STAT2: variants seen among roughly 807,000 people sequenced by gnomAD.
STAT2 encodes interferon alpha induced transcriptional activator.
A neutral mutation model predicts 122.3 loss-of-function variants in STAT2; 51 were observed. The observed-to-expected ratio is 0.42, with a 90% CI of 0.33 to 0.53. The LOEUF is 0.53. Among genes scored for constraint, STAT2 ranks in the 20% least tolerant of loss-of-function variants. STAT2 has a pLI of 0.10. For missense variants in STAT2, 736 were observed against 1,010.3 expected (o/e 0.73, Z 3.68); for synonymous variants, 351 against 394.9 (o/e 0.89, Z 1.32).
chr12:56,350,181 C>A lies in STAT2; in HGVS notation c.1125G>T (p.Lys375Asn). The A allele has an allele frequency of 6.2e-7, 1 of 1,611,334 alleles. No individual in the cohort carries two copies. Among genetic ancestry groups the A allele is most frequent in the Non-Finnish European group, 8.5e-7 (1 of 1,179,256 alleles). The change falls in exon 13 of 24, where the codon AAG becomes AAT. Residue 375 changes from lysine (K) to asparagine (N), a missense_variant. By Grantham distance (94) the Lys-to-Asn change is moderately conservative. Transcript: ENST00000314128. ...TCTGGTTTGAAGTCAGAATGTTGAACTTCCGGAAGCTGTTCCAGGAGGAAG... is the reference window on the plus strand; with the variant it reads ...TCTGGTTTGAAGTCAGAATGTTGAAATTCCGGAAGCTGTTCCAGGAGGAAG... ...RNPPQLQGFRKFNILTSNQKT... is the reference protein window; with the variant it reads ...RNPPQLQGFRNFNILTSNQKT...
Position 56,349,495 on chromosome 12 carries a change from C to G in STAT2, c.1272G>C (p.Val424=). 6.2e-7 allele frequency: 1 copy of G among 1,614,222 alleles called. No individual in the cohort carries two copies. Among genetic ancestry groups the G allele is most frequent in the Non-Finnish European group, 8.5e-7 (1 of 1,180,040 alleles). The change falls in exon 15 of 24, where the codon GTG becomes GTC. Residue 424 remains valine (V), a synonymous_variant. Coordinates refer to ENST00000314128, the MANE Select transcript of STAT2 (RefSeq NM_005419.4). ...AGCTGATGATGTGCAGTTCCTCTGT[C>G]ACACCTAGTGGCCCCTGGGACAGCC... is the stretch of plus-strand genomic sequence containing the variant. The part of the protein sequence containing the change: ...GKGSNKGPLG[V]TEELHIISFT...
At chr12:56,346,771 C>A in intron 20 of STAT2, 48 bp downstream of exon 20, 2 of 1,610,180 alleles carry the variant, frequency 1.2e-6, no homozygotes, top group Non-Finnish European at 1.7e-6. Context: ...AAGAGGGGAG[C>A]CAGGCAGAAA....
intron 8 of STAT2, 58 bp from the exon 9 acceptor site, chr12:56,351,508 G>C: frequency 6.4e-7 from 1 of 1,567,240 alleles, no homozygotes. Context: ...CCCCCATCCA[G>C]GTTCCAAGAT....
chr12:56,347,689 A>G (rs1174959649), intron 19 of STAT2, among the ~76,000 whole-genome samples: 1 of 151,902 alleles, frequency 6.6e-6, no homozygotes, highest in Non-Finnish European at 1.5e-5. Flanking sequence ...TTTAATAGAG[A>G]TGGGGTTTCG....
In STAT2 at chr12:56,351,360, G is replaced by A. The variant is rs1487740663; in HGVS notation, c.873C>T (p.Asp291=). ...GTAGGTCCACCCCTTTGGTCAGAGG[G>A]TCATCCTGATAGCTAACCAGGCAAC... ...GLSCLVSYQD[D]PLTKGVDLRN... Residue 291 remains aspartate, a synonymous_variant, in exon 9 of 24, where the codon GAC becomes GAT. Coordinates refer to ENST00000314128, the MANE Select transcript of STAT2 (RefSeq NM_005419.4). The A allele has an allele frequency of 6.2e-7, 1 of 1,614,144 alleles. No individual in the cohort carries two copies. Among genetic ancestry groups the A allele is most frequent in the Non-Finnish European group, 8.5e-7 (1 of 1,180,040 alleles).
In STAT2 at chr12:56,344,146, A is replaced by G; in HGVS notation, c.2103-11T>C. 6.5e-7 allele frequency: 1 copy of G among 1,545,792 alleles called. No homozygotes were observed. Among genetic ancestry groups the G allele is most frequent in the Non-Finnish European group, 8.8e-7 (1 of 1,141,700 alleles). The stretch of plus-strand genomic sequence containing the variant: ...AGTTCATCCACCTGTCTGGATACCC[A>G]AAGACAGACAAAGGGGCAGGGCTCA... On this transcript the variant is annotated splice_polypyrimidine_tract_variant and intron_variant, in intron 22 of 23. Transcript: ENST00000314128.
intron 6 of STAT2, 132 bp downstream of exon 6, chr12:56,355,144 G>A (rs749415536): frequency 9.0e-5 from 97 of 1,072,016 alleles, no homozygotes; most frequent in Non-Finnish European, 1.3e-4. Context: ...AGCTTTGCAC[G>A]GCAGCAGGAC....
At chr12:56,345,514 A>ATATATATATATAT (rs1278781589) in intron 22 of STAT2, among the ~76,000 whole-genome samples, 3 of 27,180 alleles carry the variant, frequency 1.1e-4, no homozygotes, top group Admixed American at 3.5e-4. Flanking sequence ...AAAAAAAAAA[A>ATATATATATATAT]AAAAAAAAAA....
Position 56,343,968 on chromosome 12 carries a change from G to A in STAT2, c.2270C>T (p.Ser757Phe). 1 of 1,614,160 alleles carries A rather than the reference G, an allele frequency of 6.2e-7. No homozygotes were observed. The highest frequency in any genetic ancestry group is 8.5e-7 in the Non-Finnish European group (1 of 1,180,014). Residue 757 changes from serine (S) to phenylalanine (F), a missense_variant, in exon 23 of 24, where the codon TCC (serine) becomes TTC (phenylalanine). Ser to Phe is a radical substitution (Grantham distance 155). Coordinates refer to ENST00000314128, the MANE Select transcript of STAT2 (RefSeq NM_005419.4). ...LGPELESVLE[S>F]TLEPVIEPTL... ...GGGCTCTATCACAGGCTCCAGAGTG[G>A]ACTCCAGCACAGACTCTAGCTCTGG...
At position 56,351,286 on chromosome 12, in the gene STAT2, C is replaced by G; in HGVS notation, c.941+6G>C. The stretch of plus-strand genomic sequence containing the variant: ...TTCCCCCAGGGTTCCTGCCTGGCCT[C>G]TAGACCTGTGGAGCAGACGCTGTAG... On this transcript the variant is annotated splice_donor_region_variant and intron_variant, in intron 9 of 23. Transcript: ENST00000314128. The G allele has an allele frequency of 1.1e-5, 18 of 1,613,978 alleles. No homozygotes were observed. The highest frequency in any genetic ancestry group is 1.5e-5 in the Non-Finnish European group (18 of 1,179,892).
At position 56,360,041 on chromosome 12, in the gene STAT2, C is replaced by A. The variant is rs1394032982; in HGVS notation, c.-8+17G>T. Reference sequence around the variant, plus strand: ...CACCCCCACCCCTACCCCAGCACACCCTCTCAGGGCCCGTACCTGATTAGG... The same window carrying A: ...CACCCCCACCCCTACCCCAGCACACACTCTCAGGGCCCGTACCTGATTAGG... On this transcript the variant is annotated intron_variant, in intron 1 of 23. Transcript: ENST00000314128. 11 of 985,418 alleles carry A rather than the reference C, an allele frequency of 1.1e-5. 1 individual carries two copies. The Admixed American group carries it at 5.5e-4, about 50-fold the overall frequency. The allele number at this position is 985,418 out of a possible 1,614,324, so 61.0% of individuals were successfully genotyped here.
At position 56,354,444 on chromosome 12, in the gene STAT2, G is replaced by A. The variant is rs200186789; in HGVS notation, c.782+22C>T. Reference sequence around the variant, plus strand: ...AAATCACAGCGCATGGCGAGGACGAGGGTTGGGGTGGTACCTCTCACCATG... The same window carrying A: ...AAATCACAGCGCATGGCGAGGACGAAGGTTGGGGTGGTACCTCTCACCATG... On this transcript the variant is annotated intron_variant, in intron 8 of 23. Transcript: ENST00000314128. 1.4e-4 allele frequency: 224 copies of A among 1,613,998 alleles called. 2 individuals are homozygous for A. Among genetic ancestry groups the A allele is most frequent in the East Asian group, 3.8e-4 (17 of 44,872 alleles).
intron 22 of STAT2, among the ~76,000 whole-genome samples, chr12:56,345,524 A>AAAAAAAAAATATAT (rs1555169410): frequency 3.8e-5 from 1 of 26,248 alleles, no homozygotes; most frequent in Non-Finnish European, 5.4e-5. Context: ...AAAAAAAAAA[A>AAAAAAAAAATATAT]ATATATATAT....
At chr12:56,351,662 AGATTT>A (rs140350774) in intron 8 of STAT2, among the ~76,000 whole-genome samples, 1,832 of 152,340 alleles carry the variant, frequency 0.012, 16 homozygotes, top group Non-Finnish European at 0.02. Context: ...AACTGCTAAT[AGATTT>A]AACATAACAG....
At chr12:56,353,705 T>C (rs1047549463) in intron 8 of STAT2, among the ~76,000 whole-genome samples, 1 of 151,750 alleles carries the variant, frequency 6.6e-6, no homozygotes. Flanking sequence ...AAATATAATA[T>C]ACTGTTGGCC....
At chr12:56,346,008 G>A in intron 22 of STAT2, 138 bp downstream of exon 22, 1 of 1,574,306 alleles carries the variant, frequency 6.4e-7, no homozygotes, top group Non-Finnish European at 8.6e-7. Context: ...GAAAGGAGAG[G>A]CTGTGGGAAT....
intron 12 of STAT2, 33 bp downstream of exon 12, chr12:56,350,379 C>T: frequency 6.3e-7 from 1 of 1,593,634 alleles, no homozygotes; most frequent in Non-Finnish European, 8.6e-7. Context: ...ATACACTGTA[C>T]AGATGTTTGC....
chr12:56,355,206 C>A, intron 6 of STAT2, 70 bp downstream of exon 6: 1 of 1,565,146 alleles, frequency 6.4e-7, no homozygotes, highest in South Asian at 1.1e-5. Context: ...GGAGCTTTCT[C>A]CTGTTCACTT....
In STAT2 at chr12:56,346,907, C is replaced by T. The variant is rs1877557755; in HGVS notation, c.1773G>A (p.Lys591=). Residue 591 remains lysine, a synonymous_variant, in exon 20 of 24, where the codon AAG becomes AAA. Transcript: ENST00000314128. ...VSRSQERRLL[K]KTMSGTFLLR... ...GTAGAAAGGTGCCAGACATGGTCTT[C>T]TTCAGCAGCCGGCGCTCCTGGCTCC... The T allele has an allele frequency of 2.5e-6, 4 of 1,614,198 alleles. No individual in the cohort carries two copies. The East Asian group carries it at 8.9e-5, about 36-fold the overall frequency.
Sources: gnomAD v4.1 joint callset for allele counts (sites outside exome capture counted in the v4.1 genomes callset) on GRCh38, gnomAD v4.1.1 for gene constraint, MANE v1.5 for transcripts, NCBI Gene and HGNC (gene_info 2026-07-23, HGNC 2026-07-21) for gene names.